Variants in ZNF710 observed in about 807,000 individuals in gnomAD.
ZNF710 encodes zinc finger protein 710.
In ZNF710, 13 loss-of-function variants were observed where a neutral mutation model predicts 50.6. That is an observed-to-expected ratio of 0.26 (90% CI 0.17 to 0.41). The LOEUF is 0.41. Ranked by LOEUF, ZNF710 falls within the 10% of genes least tolerant of loss-of-function variation. The pLI, the probability that ZNF710 is intolerant of heterozygous loss-of-function variation, is 1.00. For synonymous variants in ZNF710, 383 were observed against 397.0 expected, an observed-to-expected ratio of 0.96 and a Z score of 0.42; for missense variants, 721 against 936.6, an observed-to-expected ratio of 0.77 and a Z score of 3.01.
chr15:90,037,651 T>G (rs1001694301), intron 1 of ZNF710, among the ~76,000 whole-genome samples: 1 of 152,228 alleles, frequency 6.6e-6, no homozygotes, highest in Admixed American at 6.5e-5. Flanking sequence ...GGAATGCTTC[T>G]GAGGAAATGA....
chr15:90,000,444 GACCACGCCT>G (rs1897984100), upstream of ZNF710, among the ~76,000 whole-genome samples: 1 of 152,066 alleles, frequency 6.6e-6, no homozygotes, highest in Admixed American at 6.5e-5. Flanking sequence ...CGCTGCCAGC[GACCACGCCT>G]CGGCGCCCCC....
intron 1 of ZNF710, among the ~76,000 whole-genome samples, chr15:90,056,041 A>C (rs183575829): frequency 6.7e-6 from 1 of 149,298 alleles, no homozygotes; most frequent in Non-Finnish European, 1.5e-5. Flanking sequence ...CGCTTGAACC[A>C]GGAGGTGGAG....
intron 1 of ZNF710, among the ~76,000 whole-genome samples, chr15:90,031,908 C>T (rs1011568815): frequency 3.9e-5 from 6 of 152,212 alleles, no homozygotes; most frequent in African/African-American, 1.4e-4. Context: ...ATTAAACCTG[C>T]AGATACTTGG....
rs1900027849 is a variant in ZNF710, at chr15:90,062,151, C to T, written c.-28-4959C>T. 6.6e-6 allele frequency among the ~76,000 whole-genome samples: 1 copy of T among 151,324 alleles called. No homozygotes were observed. Among genetic ancestry groups the T allele is most frequent in the Admixed American group, 6.6e-5 (1 of 15,200 alleles). On this transcript the variant is annotated intron_variant, in intron 1 of 4. Coordinates refer to ENST00000268154, the MANE Select transcript of ZNF710 (RefSeq NM_198526.4). This position sits in a 1 kb window ranked among gnomAD's most constrained non-coding sequence, Gnocchi z 5.6. ...GCCTCCACAGCCTCATTCTCTCTCC[C>T]TCCCCCTCACTCAGGCTCCTCCTCT...
In ZNF710 at chr15:90,062,226, C is replaced by A. The variant is rs534509174; in HGVS notation, c.-28-4884C>A. Among the ~76,000 whole-genome samples the A allele has an allele frequency of 1.3e-5, 2 of 151,058 alleles. No individual in the cohort carries two copies. Among genetic ancestry groups the A allele is most frequent in the Non-Finnish European group, 3.0e-5 (2 of 67,746 alleles). ...TTCTTCTCTCCCTCTCCCTTTCTCT[C>A]TCTCTCTCTCTGATATGTCCTCCCT... On this transcript the variant is annotated intron_variant, in intron 1 of 4. Transcript: ENST00000268154. The surrounding 1 kb of genome is among the most constrained non-coding windows in gnomAD (Gnocchi z 5.6).
At chr15:90,047,257 G>T (rs1405222383) in intron 1 of ZNF710, among the ~76,000 whole-genome samples, 2 of 152,316 alleles carry the variant, frequency 1.3e-5, no homozygotes, top group East Asian at 3.9e-4. Context: ...CTAACGTGTG[G>T]CCCAGGCGAG....
rs531141003 is a variant in ZNF710, at chr15:90,009,674, T to A, written c.-29+8060T>A. 2.8e-4 allele frequency among the ~76,000 whole-genome samples: 42 copies of A among 152,170 alleles called. 2 individuals are homozygous for A. In the South Asian group the frequency reaches 7.7e-3, roughly 28 times the overall value. ...TCCTCCTATGCCTTAATTCTCTACC[T>A]ACAGCTACAGTCACACCTCTCTCTC... On this transcript the variant is annotated intron_variant, in intron 1 of 4. Transcript: ENST00000268154.
rs1423482528 is a variant in ZNF710 at position 90,046,596 on chromosome 15, G to C, written c.-28-20514G>C. Among the ~76,000 whole-genome samples, 9 of 152,284 alleles carry C rather than the reference G, an allele frequency of 5.9e-5. No homozygotes were observed. In the East Asian group the frequency reaches 1.7e-3, roughly 29 times the overall value. On this transcript the variant is annotated intron_variant, in intron 1 of 4. Coordinates refer to ENST00000268154, the MANE Select transcript of ZNF710 (RefSeq NM_198526.4). ...GTGGGGACAATGAGCCCACTCATCA[G>C]TAGTGACCAGACCCAGGTAGAGGAA...
chr15:90,021,912 C>G (rs1430633311), intron 1 of ZNF710, among the ~76,000 whole-genome samples: 1 of 152,160 alleles, frequency 6.6e-6, no homozygotes, highest in African/African-American at 2.4e-5. Context: ...CAAAACCCGT[C>G]TCTACTAAAA....
chr15:90,013,401 C>T (rs893264358), intron 1 of ZNF710, among the ~76,000 whole-genome samples: 5 of 152,194 alleles, frequency 3.3e-5, no homozygotes, highest in African/African-American at 1.2e-4. Flanking sequence ...TGTGCCTGGC[C>T]AGGTGTTGTG....
At position 90,067,811 on chromosome 15, in the gene ZNF710, C is replaced by T; in HGVS notation, c.674C>T (p.Pro225Leu). 6.3e-7 allele frequency: 1 copy of T among 1,583,368 alleles called. No homozygotes were observed. Reference protein sequence around the residue: ...ECGFEPPHLAPLSDPEAPSME... With the variant: ...ECGFEPPHLALLSDPEAPSME... ...GGGTTCGAGCCACCCCACCTGGCCC[C>T]CCTGAGTGACCCCGAGGCCCCCAGC... The change falls in exon 2 of 5, where the codon CCC (proline) becomes CTC (leucine). Residue 225 changes from proline (P) to leucine (L), a missense_variant. Physicochemically the swap from Pro to Leu is moderately conservative, Grantham distance 98 (BLOSUM62 -3). This residue lies in a region of ZNF710 where 326 missense variants were observed against 347.1 expected (regional missense o/e 0.94). Coordinates refer to ENST00000268154, the MANE Select transcript of ZNF710 (RefSeq NM_198526.4). The surrounding 1 kb of genome is among the most constrained non-coding windows in gnomAD (Gnocchi z 8.1).
At chr15:90,023,980 C>CAGAGTGAG (rs1351120678) in intron 1 of ZNF710, among the ~76,000 whole-genome samples, 2 of 151,574 alleles carry the variant, frequency 1.3e-5, no homozygotes, top group Non-Finnish European at 2.9e-5. Flanking sequence ...GTCTGGGTGA[C>CAGAGTGAG]AGAGTGAGAC....
intron 1 of ZNF710, among the ~76,000 whole-genome samples, chr15:90,013,035 G>A (rs1262864311): frequency 6.6e-6 from 1 of 152,110 alleles, no homozygotes; most frequent in African/African-American, 2.4e-5. Flanking sequence ...TGCTTCTGCT[G>A]ACTTCCACTC....
At chr15:90,079,557 C>T in intron 4 of ZNF710, 103 bp from the exon 5 acceptor site, 1 of 1,435,020 alleles carries the variant, frequency 7.0e-7, no homozygotes, top group South Asian at 1.3e-5. Flanking sequence ...GAGGCCGTGA[C>T]TGGGAAGCCC....
chr15:90,020,831 C>A (rs748308104), intron 1 of ZNF710, among the ~76,000 whole-genome samples: 9 of 152,256 alleles, frequency 5.9e-5, no homozygotes, highest in Non-Finnish European at 1.0e-4. Flanking sequence ...CGCCTCCCCG[C>A]AACTTGTGAC....
At chr15:90,055,689 A>G (rs1899791043) in intron 1 of ZNF710, among the ~76,000 whole-genome samples, 1 of 152,234 alleles carries the variant, frequency 6.6e-6, no homozygotes, top group Admixed American at 6.5e-5. Flanking sequence ...TGAATGGTGG[A>G]AATTCCTTGC....
intron 1 of ZNF710, among the ~76,000 whole-genome samples, chr15:90,048,452 T>C (rs1876293): frequency 0.26 from 39,458 of 152,210 alleles, 6,096 homozygotes; most frequent in East Asian, 0.72. Flanking sequence ...GGTGACTTGC[T>C]TCCTGGCTGT....
intron 1 of ZNF710, among the ~76,000 whole-genome samples, chr15:90,019,712 C>T (rs1022179239): frequency 1.3e-5 from 2 of 152,166 alleles, no homozygotes; most frequent in Non-Finnish European, 2.9e-5. Context: ...CGTCGCTTTA[C>T]AATGGGAGTG....
intron 4 of ZNF710, among the ~76,000 whole-genome samples, chr15:90,079,383 A>C (rs1462712655): frequency 1.3e-5 from 2 of 152,226 alleles, no homozygotes; most frequent in Non-Finnish European, 2.9e-5. Context: ...GACCCAAAGA[A>C]GGCTTCAAGG....
Sources: gnomAD v4.1 joint callset for allele counts (sites outside exome capture counted in the v4.1 genomes callset) on GRCh38, gnomAD v4.1.1 for gene constraint, gnomAD v4.1.1 regional missense constraint, Gnocchi (gnomAD v3.1) non-coding constraint, MANE v1.5 for transcripts, NCBI Gene and HGNC (gene_info 2026-07-23, HGNC 2026-07-21) for gene names.